Variants in ANKRD44 observed in about 807,000 individuals in gnomAD.
ANKRD44 encodes the protein serine/threonine-protein phosphatase 6 regulatory ankyrin repeat subunit B.
A neutral mutation model predicts 116.0 loss-of-function variants in ANKRD44; 35 were observed. The observed-to-expected ratio is 0.30, with a 90% CI of 0.23 to 0.40. The LOEUF is 0.40. Ranked by LOEUF, ANKRD44 falls within the 10% of genes least tolerant of loss-of-function variation. The pLI is 1.00. For synonymous variants in ANKRD44, 435 were observed against 461.8 expected, an observed-to-expected ratio of 0.94 and a Z score of 0.74; for missense variants, 1,014 against 1,242.6, an observed-to-expected ratio of 0.82 and a Z score of 2.77.
rs2076226530 is a variant in ANKRD44, at chr2:197,007,798, G to A, written c.2130+8C>T. 1.3e-6 allele frequency: 2 copies of A among 1,589,314 alleles called. No individual in the cohort carries two copies. Among genetic ancestry groups the A allele is most frequent in the South Asian group, 1.1e-5 (1 of 90,088 alleles). The stretch of plus-strand genomic sequence containing the variant: ...TTGCTTGACTAGAGCTGAGAAAGAT[G>A]TACATACCCCTCTGTGTAAAGCTGT... On this transcript the variant is annotated splice_region_variant and intron_variant, in intron 20 of 27. Transcript: ENST00000282272.
intron 10 of ANKRD44, among the ~76,000 whole-genome samples, chr2:197,091,538 T>C (rs893936267): frequency 2.6e-5 from 4 of 152,168 alleles, no homozygotes; most frequent in Non-Finnish European, 4.4e-5. Flanking sequence ...TTGGTGTATT[T>C]TGTAGAGACA....
chr2:197,155,589 T>C (rs555395470), intron 2 of ANKRD44, among the ~76,000 whole-genome samples: 1 of 152,316 alleles, frequency 6.6e-6, no homozygotes, highest in East Asian at 1.9e-4. Flanking sequence ...GGTGAAAGAA[T>C]AGCCTTGTCA....
In ANKRD44 at chr2:196,980,801, T is replaced by A. The variant is rs921970189; in HGVS notation, c.2368+12782A>T. On this transcript the variant is annotated intron_variant, in intron 21 of 21. Transcript: ENST00000424317. ...AATGCACTTGACCATTTTTACTTTG[T>A]TAAAAGCTTCATCCTAATCCTGGAA... Among the ~76,000 whole-genome samples the A allele has an allele frequency of 5.3e-5, 8 of 152,362 alleles. No individual in the cohort carries two copies. In the South Asian group the frequency reaches 1.7e-3, roughly 32 times the overall value.
At chr2:197,078,556 T>C in intron 16 of ANKRD44, 147 bp downstream of exon 16, 1 of 1,507,588 alleles carries the variant, frequency 6.6e-7, no homozygotes, top group Non-Finnish European at 8.9e-7. Flanking sequence ...AAACACTTTT[T>C]GAAATCAGAA....
chr2:197,078,506 G>A, intron 16 of ANKRD44, 197 bp downstream of exon 16: 2 of 1,394,928 alleles, frequency 1.4e-6, no homozygotes, highest in Admixed American at 2.3e-5. Context: ...TGGTGGTGGG[G>A]CTCTAACCTG....
chr2:197,278,385 C>G (rs969577020), intron 1 of ANKRD44, among the ~76,000 whole-genome samples: 5 of 151,990 alleles, frequency 3.3e-5, no homozygotes, highest in Non-Finnish European at 7.4e-5. Flanking sequence ...TTGACAGAGT[C>G]TTGCTCTGTC....
chr2:197,123,128 A>G (rs1453003541), intron 6 of ANKRD44, among the ~76,000 whole-genome samples: 1 of 152,216 alleles, frequency 6.6e-6, no homozygotes, highest in Non-Finnish European at 1.5e-5. Context: ...ATTAAAATGA[A>G]AGCAATGCTT....
intron 2 of ANKRD44, among the ~76,000 whole-genome samples, chr2:197,160,164 GC>G (rs2079924726): frequency 6.6e-6 from 1 of 151,916 alleles, no homozygotes; most frequent in East Asian, 1.9e-4. Flanking sequence ...CCACGTATGA[GC>G]TGTGTGACTT....
intron 26 of ANKRD44, 178 bp downstream of exon 26, chr2:196,995,201 C>T (rs1224202906): frequency 5.2e-6 from 2 of 382,804 alleles, no homozygotes; most frequent in African/African-American, 2.1e-5. Context: ...ACTAAAACTG[C>T]CCAGCTTGGT....
In ANKRD44 at chr2:197,136,614, C is replaced by T. The variant is rs201863957; in HGVS notation, c.239G>A (p.Arg80Gln). Residue 80 changes from arginine to glutamine, a missense_variant, in exon 4 of 28, where the codon CGG becomes CAG. By Grantham distance (43) the Arg-to-Gln change is conservative. Transcript: ENST00000282272. ...CACTTCACTTCTGGAAGCAACAGCC[C>T]GGTGCAGTGGAGTCAGCCACATGTT... The part of the protein sequence containing the change: ...KDNMWLTPLH[R>Q]AVASRSEEAV... 1.9e-6 allele frequency: 3 copies of T among 1,614,136 alleles called. No individual in the cohort carries two copies. The highest frequency in any genetic ancestry group is 2.5e-6 in the Non-Finnish European group (3 of 1,180,016).
intron 23 of ANKRD44, among the ~76,000 whole-genome samples, chr2:196,999,305 C>T (rs1415582200): frequency 6.6e-6 from 1 of 152,082 alleles, no homozygotes. Flanking sequence ...TCTTTACTGA[C>T]TCTTTAATCT....
At chr2:197,279,687 G>A (rs370861961) in intron 1 of ANKRD44, among the ~76,000 whole-genome samples, 34 of 152,130 alleles carry the variant, frequency 2.2e-4, no homozygotes, top group East Asian at 9.7e-4. Context: ...GTCCTACTAC[G>A]AGACATTTAA....
chr2:197,068,409 TA>T (rs71012947), intron 16 of ANKRD44, among the ~76,000 whole-genome samples: 369 of 132,034 alleles, frequency 2.8e-3, no homozygotes, highest in African/African-American at 0.011. Context: ...AAAAATAAAA[TA>T]AAAAAAAATA....
At chr2:197,149,755 C>G (rs2079594469) in intron 2 of ANKRD44, among the ~76,000 whole-genome samples, 1 of 152,144 alleles carries the variant, frequency 6.6e-6, no homozygotes, top group Non-Finnish European at 1.5e-5. Flanking sequence ...GATCATGAGT[C>G]AAAGCGTGAA....
chr2:197,130,600 G>A (rs1368822083), intron 4 of ANKRD44, among the ~76,000 whole-genome samples: 5 of 152,156 alleles, frequency 3.3e-5, no homozygotes, highest in African/African-American at 9.7e-5. Flanking sequence ...GCTGGGTACC[G>A]CTTGTCTACA....
intron 23 of ANKRD44, 75 bp downstream of exon 23, chr2:197,000,344 G>T: frequency 8.9e-7 from 1 of 1,122,212 alleles, no homozygotes; most frequent in Non-Finnish European, 1.3e-6. Flanking sequence ...AAACATAGAT[G>T]TTTGGCTACT....
chr2:197,079,646 A>G (rs2077749368), intron 15 of ANKRD44, among the ~76,000 whole-genome samples: 1 of 152,262 alleles, frequency 6.6e-6, no homozygotes, highest in Non-Finnish European at 1.5e-5. Context: ...GCTGCTTCAT[A>G]GCATCAGCAT....
intron 16 of ANKRD44, among the ~76,000 whole-genome samples, chr2:197,064,366 A>G (rs936250447): frequency 6.6e-6 from 1 of 152,252 alleles, no homozygotes; most frequent in Non-Finnish European, 1.5e-5. Flanking sequence ...TGTAAAGACC[A>G]TCAATGCTAG....
At chr2:197,016,219 C>G (rs190925394) in intron 17 of ANKRD44, among the ~76,000 whole-genome samples, 1 of 152,248 alleles carries the variant, frequency 6.6e-6, no homozygotes, top group African/African-American at 2.4e-5. Flanking sequence ...CCACCGTTTG[C>G]AAAACGTCCA....
Sources: gnomAD v4.1 joint callset for allele counts (sites outside exome capture counted in the v4.1 genomes callset) on GRCh38, gnomAD v4.1.1 for gene constraint, MANE v1.5 for transcripts, NCBI Gene and HGNC (gene_info 2026-07-23, HGNC 2026-07-21) for gene names.